RIC8B: variants seen among roughly 807,000 people sequenced by gnomAD.
RIC8B encodes chaperone Ric-8B.
Under a neutral mutation model 57.5 loss-of-function variants are expected in RIC8B, and 16 were observed. The observed-to-expected ratio is 0.28, with a 90% CI of 0.19 to 0.42. RIC8B has a LOEUF of 0.42. Among genes scored for constraint, RIC8B ranks in the 10% least tolerant of loss-of-function variants. RIC8B has a pLI of 1.00. For missense variants in RIC8B, 481 were observed against 677.0 expected, an observed-to-expected ratio of 0.71 and a Z score of 3.21; for synonymous variants, 216 against 250.8, an observed-to-expected ratio of 0.86 and a Z score of 1.31.
At chr12:106,798,226 C>T (rs2044574749) in intron 2 of RIC8B, among the ~76,000 whole-genome samples, 1 of 151,972 alleles carries the variant, frequency 6.6e-6, no homozygotes, top group Non-Finnish European at 1.5e-5. Context: ...TTTTTTCTTC[C>T]TTTCAAATTT....
chr12:106,827,567 T>A (rs2046164725), intron 4 of RIC8B, among the ~76,000 whole-genome samples: 1 of 152,202 alleles, frequency 6.6e-6, no homozygotes. Flanking sequence ...TGCTGGTAGG[T>A]TATCTCAGTG....
chr12:106,785,785 G>GTCTCTCTCTCTCTCTCTCTCTCTC (rs370138594), intron 2 of RIC8B, among the ~76,000 whole-genome samples: 117 of 103,802 alleles, frequency 1.1e-3, no homozygotes, highest in Middle Eastern at 0.01. Context: ...TGTATTCTAT[G>GTCTCTCTCTCTCTCTCTCTCTCTC]TCTCTCTCTC....
intron 2 of RIC8B, among the ~76,000 whole-genome samples, chr12:106,802,534 ATT>A (rs34706345): frequency 0.19 from 19,387 of 101,380 alleles, 1,805 homozygotes; most frequent in South Asian, 0.24. Flanking sequence ...CAATATGAGA[ATT>A]TTTTTTTTTT....
At chr12:106,784,640 G>A (rs1387511808) in intron 2 of RIC8B, among the ~76,000 whole-genome samples, 2 of 152,224 alleles carry the variant, frequency 1.3e-5, no homozygotes, top group Admixed American at 6.5e-5. Flanking sequence ...TGGGATTACA[G>A]GTGTGAGCTA....
At chr12:106,804,458 C>T (rs60468001) in intron 2 of RIC8B, among the ~76,000 whole-genome samples, 1,766 of 152,250 alleles carry the variant, frequency 0.012, 15 homozygotes, top group Middle Eastern at 0.041. Context: ...TCAAGTGATC[C>T]GCCCGCCTTG....
At chr12:106,832,695 GGATA>G (rs1244234263) in intron 4 of RIC8B, among the ~76,000 whole-genome samples, 1 of 152,178 alleles carries the variant, frequency 6.6e-6, no homozygotes, top group Admixed American at 6.5e-5. Context: ...ATGAAGGGAT[GGATA>G]GATAGATGAT....
At chr12:106,814,454 A>C (rs566465329) in intron 2 of RIC8B, among the ~76,000 whole-genome samples, 1 of 152,326 alleles carries the variant, frequency 6.6e-6, no homozygotes, top group East Asian at 1.9e-4. Context: ...GACAAATATG[A>C]ACCAATTCTT....
chr12:106,824,656 G>A (rs1316630421), intron 3 of RIC8B, among the ~76,000 whole-genome samples: 3 of 152,132 alleles, frequency 2.0e-5, no homozygotes, highest in Admixed American at 1.3e-4. Flanking sequence ...AGCACATTGG[G>A]AGGTCAAGGC....
intron 9 of RIC8B, among the ~76,000 whole-genome samples, chr12:106,882,836 G>C (rs913994133): frequency 1.3e-5 from 2 of 152,054 alleles, no homozygotes; most frequent in African/African-American, 2.4e-5. Flanking sequence ...TTTTAGTGGG[G>C]GTTGATACAA....
At chr12:106,844,962 A>G (rs149691379) in intron 6 of RIC8B, among the ~76,000 whole-genome samples, 277 of 152,274 alleles carry the variant, frequency 1.8e-3, no homozygotes, top group African/African-American at 6.0e-3. Context: ...ACCTTCTCTT[A>G]TTTAGTACCC....
At chr12:106,815,454 T>C (rs2045530646) in intron 3 of RIC8B, 150 bp downstream of exon 3, 1 of 758,530 alleles carries the variant, frequency 1.3e-6, no homozygotes, top group African/African-American at 1.8e-5. Flanking sequence ...GATATACTTC[T>C]TAACCATTGT....
At position 106,816,480 on chromosome 12, in the gene RIC8B, C is replaced by G. The variant is rs189355470; in HGVS notation, c.741+1176C>G. 6.6e-5 allele frequency among the ~76,000 whole-genome samples: 10 copies of G among 152,312 alleles called. No individual in the cohort carries two copies. In the East Asian group the frequency reaches 1.9e-3, roughly 29 times the overall value. ...AAAGATGTGGAAAGCCCACATGCTCCATTTATGCATTGAAACCAAATATTT... is the reference window on the plus strand; with the variant it reads ...AAAGATGTGGAAAGCCCACATGCTCGATTTATGCATTGAAACCAAATATTT... On this transcript the variant is annotated intron_variant, in intron 3 of 9. Coordinates refer to ENST00000392837, the MANE Select transcript of RIC8B (RefSeq NM_001330145.2).
At chr12:106,839,413 C>T (rs1046145499) in intron 4 of RIC8B, among the ~76,000 whole-genome samples, 1 of 152,082 alleles carries the variant, frequency 6.6e-6, no homozygotes, top group Admixed American at 6.6e-5. Flanking sequence ...ATCTGGAGGG[C>T]ATTATGATAA....
At chr12:106,845,016 A>AT (rs1949122133) in intron 6 of RIC8B, among the ~76,000 whole-genome samples, 1 of 152,048 alleles carries the variant, frequency 6.6e-6, no homozygotes, top group African/African-American at 2.4e-5. Context: ...TCAGTCTGTC[A>AT]TTTTTTCCCA....
intron 2 of RIC8B, 91 bp from the exon 3 acceptor site, chr12:106,814,605 A>T: frequency 7.7e-7 from 1 of 1,300,314 alleles, no homozygotes; most frequent in Non-Finnish European, 1.1e-6. Flanking sequence ...CTGGATTTTT[A>T]ACTGTTGTTA....
chr12:106,832,566 GAAA>G (rs5800719), intron 4 of RIC8B, among the ~76,000 whole-genome samples: 1 of 143,342 alleles, frequency 7.0e-6, no homozygotes, highest in African/African-American at 2.6e-5. Context: ...GACTCTGTAT[GAAA>G]AAAAAAAAAA....
intron 3 of RIC8B, among the ~76,000 whole-genome samples, chr12:106,818,411 G>A (rs1018517962): frequency 9.2e-5 from 14 of 151,800 alleles, no homozygotes; most frequent in Non-Finnish European, 1.9e-4. Context: ...TGATCCACCC[G>A]CCTCGGCCTC....
chr12:106,812,460 A>C (rs1345322843), intron 2 of RIC8B, among the ~76,000 whole-genome samples: 1 of 147,850 alleles, frequency 6.8e-6, no homozygotes, highest in Non-Finnish European at 1.5e-5. Flanking sequence ...TTTTTTTTTA[A>C]TTTTATTGTC....
chr12:106,790,184 T>G (rs1187522263), intron 2 of RIC8B, among the ~76,000 whole-genome samples: 1 of 152,190 alleles, frequency 6.6e-6, no homozygotes, highest in African/African-American at 2.4e-5. Context: ...GACAGCAGAT[T>G]ATCTATTATG....
Sources: gnomAD v4.1 joint callset for allele counts (sites outside exome capture counted in the v4.1 genomes callset) on GRCh38, gnomAD v4.1.1 for gene constraint, MANE v1.5 for transcripts, NCBI Gene and HGNC (gene_info 2026-07-23, HGNC 2026-07-21) for gene names.